Variants in GTF2IRD1 observed in about 807,000 individuals in gnomAD.
GTF2IRD1 encodes the protein general transcription factor II-I repeat domain-containing protein 1.
A neutral mutation model predicts 113.2 loss-of-function variants in GTF2IRD1; 26 were observed. That is an observed-to-expected ratio of 0.23 (90% confidence interval 0.17 to 0.32). The LOEUF (loss-of-function observed/expected upper bound fraction) is 0.32, where lower values mean the gene tolerates loss of function less well. Among genes scored for constraint, GTF2IRD1 ranks in the 10% least tolerant of loss-of-function variants. The pLI is 1.00. For synonymous variants in GTF2IRD1, 484 were observed against 529.1 expected, an observed-to-expected ratio of 0.91 and a Z score of 1.17; for missense variants, 864 against 1,280.8, an observed-to-expected ratio of 0.67 and a Z score of 4.97.
chr7:74,591,085 C>T (rs879948670), intron 24 of GTF2IRD1, 68 bp downstream of exon 24: 3 of 1,120,018 alleles, frequency 2.7e-6, no homozygotes, highest in Admixed American at 3.8e-5. Flanking sequence ...AAGTCAAGGT[C>T]ACGGTGGGTC....
intron 1 of GTF2IRD1, among the ~76,000 whole-genome samples, chr7:74,477,151 G>T (rs187831704): frequency 2.0e-5 from 3 of 152,164 alleles, no homozygotes; most frequent in African/African-American, 7.2e-5. Context: ...ATCACTTGAG[G>T]CCAGGAGTTT....
intron 25 of GTF2IRD1, among the ~76,000 whole-genome samples, chr7:74,600,600 A>G (rs1554373662): frequency 1.3e-5 from 2 of 152,236 alleles, no homozygotes; most frequent in East Asian, 1.9e-4. Flanking sequence ...AACCCCAGCT[A>G]CTTGGGAGGC....
intron 22 of GTF2IRD1, among the ~76,000 whole-genome samples, chr7:74,585,557 T>G (rs1801672570): frequency 6.6e-6 from 1 of 152,090 alleles, no homozygotes; most frequent in African/African-American, 2.4e-5. Flanking sequence ...TAGAGGAAAC[T>G]ATCTTAAAGA....
intron 14 of GTF2IRD1, among the ~76,000 whole-genome samples, chr7:74,542,250 T>G (rs1554351988): frequency 6.6e-6 from 1 of 151,724 alleles, no homozygotes; most frequent in East Asian, 1.9e-4. Context: ...CAAAAAAAAA[T>G]TAGCTGGGCA....
chr7:74,592,201 G>C (rs1554369930), intron 24 of GTF2IRD1, among the ~76,000 whole-genome samples: 1 of 152,008 alleles, frequency 6.6e-6, no homozygotes, highest in Non-Finnish European at 1.5e-5. Context: ...CCAGGTTCAA[G>C]CAATTCTCCT....
intron 7 of GTF2IRD1, among the ~76,000 whole-genome samples, chr7:74,522,967 C>T (rs1554346336): frequency 6.6e-6 from 1 of 152,108 alleles, no homozygotes; most frequent in African/African-American, 2.4e-5. Context: ...AGAGAGAGAC[C>T]AGCAGAGCTG....
chr7:74,601,753 G>C (rs1802781855), intron 26 of GTF2IRD1: 1 of 189,550 alleles, frequency 5.3e-6, no homozygotes, highest in African/African-American at 2.3e-5. Context: ...TTGCACTGCA[G>C]CCTGGGCAAC....
chr7:74,562,639 T>C (rs1407720078), intron 22 of GTF2IRD1, among the ~76,000 whole-genome samples: 9 of 135,388 alleles, frequency 6.6e-5, no homozygotes, highest in South Asian at 2.5e-4. Context: ...GTGATCCTGG[T>C]TCACTGTAAC....
At chr7:74,533,426 C>T (rs1286237781) in intron 9 of GTF2IRD1, among the ~76,000 whole-genome samples, 6 of 152,186 alleles carry the variant, frequency 3.9e-5, no homozygotes, top group East Asian at 1.9e-4. Flanking sequence ...TGAGCCACCA[C>T]GCCCGGCTGG....
intron 1 of GTF2IRD1, among the ~76,000 whole-genome samples, chr7:74,468,682 GTGTGTGTGTGTGT>G: frequency 1.4e-5 from 1 of 69,358 alleles, no homozygotes. Flanking sequence ...AAAACTGTGT[GTGTGTGTGTGTGT>G]GTGTGTGTGT....
chr7:74,475,105 A>G (rs1794326880), intron 1 of GTF2IRD1, among the ~76,000 whole-genome samples: 1 of 152,122 alleles, frequency 6.6e-6, no homozygotes, highest in Non-Finnish European at 1.5e-5. Context: ...AAATAAAATA[A>G]GTAGCTGGAC....
chr7:74,470,644 A>C (rs1438983746), intron 1 of GTF2IRD1, among the ~76,000 whole-genome samples: 1 of 152,232 alleles, frequency 6.6e-6, no homozygotes. Context: ...CAGACTGCCC[A>C]GTGAATAAAC....
At chr7:74,569,291 C>T (rs1242817939) in intron 22 of GTF2IRD1, among the ~76,000 whole-genome samples, 1 of 152,254 alleles carries the variant, frequency 6.6e-6, no homozygotes, top group African/African-American at 2.4e-5. Context: ...GCTTTTCACA[C>T]ACAGCCTCTT....
intron 22 of GTF2IRD1, among the ~76,000 whole-genome samples, chr7:74,575,015 G>A (rs939829045): frequency 6.6e-5 from 10 of 152,034 alleles, no homozygotes; most frequent in African/African-American, 2.2e-4. Context: ...GCTTGAACCC[G>A]GGAGGTGGAA....
intron 8 of GTF2IRD1, among the ~76,000 whole-genome samples, chr7:74,528,185 T>C (rs1797714811): frequency 6.6e-6 from 1 of 152,134 alleles, no homozygotes; most frequent in African/African-American, 2.4e-5. Flanking sequence ...CCCAGCCCCA[T>C]TGAGGTCGCA....
At chr7:74,519,372 T>G (rs1584583314) in intron 5 of GTF2IRD1, 37 bp from the exon 6 acceptor site, 1 of 1,409,314 alleles carries the variant, frequency 7.1e-7, no homozygotes. Flanking sequence ...GTGAAACAGA[T>G]GTACAAAGCT....
intron 17 of GTF2IRD1, among the ~76,000 whole-genome samples, 179 bp downstream of exon 17, chr7:74,547,465 C>T (rs1583854059): frequency 8.5e-6 from 1 of 117,666 alleles, no homozygotes; most frequent in East Asian, 2.8e-4. Flanking sequence ...TTTTTTGAGA[C>T]AGAGTCTCAC....
intron 22 of GTF2IRD1, among the ~76,000 whole-genome samples, chr7:74,560,164 C>T (rs1406632638): frequency 1.3e-5 from 2 of 152,218 alleles, no homozygotes; most frequent in Non-Finnish European, 2.9e-5. Context: ...AATGTGGCCC[C>T]AGATCCTGGG....
intron 22 of GTF2IRD1, among the ~76,000 whole-genome samples, chr7:74,578,021 T>C (rs1442726198): frequency 1.3e-5 from 2 of 152,060 alleles, no homozygotes; most frequent in African/African-American, 4.8e-5. Context: ...CCAAGGCTGG[T>C]CTCCAACTCC....
Sources: gnomAD v4.1 joint callset for allele counts (sites outside exome capture counted in the v4.1 genomes callset) on GRCh38, gnomAD v4.1.1 for gene constraint, MANE v1.5 for transcripts, NCBI Gene and HGNC (gene_info 2026-07-23, HGNC 2026-07-21) for gene names.